The following CNTN5 variants were observed in gnomAD, a reference collection of about 807,000 sequenced individuals.
CNTN5 encodes the protein contactin-5.
CNTN5 carries 77 observed loss-of-function variants against 129.1 expected under a neutral mutation model. The ratio of observed to expected loss-of-function variants is 0.60; its 90% CI spans 0.50 to 0.72. The LOEUF (loss-of-function observed/expected upper bound fraction) is 0.72. CNTN5 is among the 30% of genes least tolerant of loss of function. CNTN5 has a pLI of 0.00. For synonymous variants in CNTN5, 509 were observed against 465.6 expected, an observed-to-expected ratio of 1.09 and a Z score of -1.20; for missense variants, 1,478 against 1,328.8, an observed-to-expected ratio of 1.11 and a Z score of -1.75.
chr11:99,404,545 A>G (rs1392558262), intron 2 of CNTN5, among the ~76,000 whole-genome samples: 4 of 151,930 alleles, frequency 2.6e-5, no homozygotes, highest in Non-Finnish European at 5.9e-5. Context: ...TCAGGTTACC[A>G]TGAGGCTTTC....
intron 15 of CNTN5, among the ~76,000 whole-genome samples, chr11:100,217,518 T>G (rs953487048): frequency 1.3e-5 from 2 of 152,206 alleles, no homozygotes; most frequent in Non-Finnish European, 2.9e-5. Context: ...GGTGGTCATG[T>G]ATTACTAGCT....
chr11:100,042,754 G>T (rs1942453026), intron 9 of CNTN5, among the ~76,000 whole-genome samples: 1 of 152,152 alleles, frequency 6.6e-6, no homozygotes, highest in Non-Finnish European at 1.5e-5. Flanking sequence ...AAAAGCTTGT[G>T]TCAGAATTTC....
At chr11:100,336,141 CA>C (rs1184472096) in intron 21 of CNTN5, among the ~76,000 whole-genome samples, 1 of 152,060 alleles carries the variant, frequency 6.6e-6, no homozygotes, top group Non-Finnish European at 1.5e-5. Flanking sequence ...CTTAAAATAC[CA>C]AAAGTAAAAT....
intron 2 of CNTN5, among the ~76,000 whole-genome samples, chr11:99,406,553 A>G (rs1298853283): frequency 1.3e-5 from 2 of 151,998 alleles, no homozygotes; most frequent in Admixed American, 6.6e-5. Context: ...ACTACTCCCT[A>G]ACTACTGCCT....
intron 3 of CNTN5, among the ~76,000 whole-genome samples, chr11:99,791,174 T>C (rs978398217): frequency 6.6e-6 from 1 of 152,086 alleles, no homozygotes; most frequent in African/African-American, 2.4e-5. Context: ...ATTTTTGCTT[T>C]TGTTGCAATT....
chr11:100,065,248 G>A (rs1020638785), intron 10 of CNTN5, among the ~76,000 whole-genome samples: 10 of 151,864 alleles, frequency 6.6e-5, no homozygotes, highest in African/African-American at 7.3e-5. Flanking sequence ...CGCTTCTATC[G>A]TCTGCAATTT....
At chr11:99,513,419 T>C (rs531466555) in intron 2 of CNTN5, among the ~76,000 whole-genome samples, 2 of 152,222 alleles carry the variant, frequency 1.3e-5, no homozygotes, top group African/African-American at 2.4e-5. Context: ...CAACAGATTT[T>C]TGATGTAGAC....
intron 13 of CNTN5, among the ~76,000 whole-genome samples, chr11:100,076,794 A>C (rs1001301566): frequency 6.6e-6 from 1 of 152,112 alleles, no homozygotes; most frequent in Non-Finnish European, 1.5e-5. Flanking sequence ...AAGCCCAGAC[A>C]TATATTGCAT....
chr11:100,058,291 A>G (rs1284711105), intron 9 of CNTN5, among the ~76,000 whole-genome samples: 1 of 152,154 alleles, frequency 6.6e-6, no homozygotes, highest in Non-Finnish European at 1.5e-5. Flanking sequence ...TCCTATCAGT[A>G]TATGAAGGCA....
At chr11:100,172,976 G>A (rs1404294012) in intron 13 of CNTN5, among the ~76,000 whole-genome samples, 1 of 152,074 alleles carries the variant, frequency 6.6e-6, no homozygotes, top group African/African-American at 2.4e-5. Flanking sequence ...CAGAATTGCA[G>A]TAACATAGAT....
At chr11:99,710,085 G>A (rs370907474) in intron 3 of CNTN5, among the ~76,000 whole-genome samples, 1 of 151,766 alleles carries the variant, frequency 6.6e-6, no homozygotes, top group Non-Finnish European at 1.5e-5. Context: ...AGCAAAGAAC[G>A]CACCTGCTAG....
chr11:99,486,300 T>G (rs1285431489), intron 2 of CNTN5, among the ~76,000 whole-genome samples: 1 of 152,104 alleles, frequency 6.6e-6, no homozygotes, highest in East Asian at 1.9e-4. Context: ...ATTTCCATTA[T>G]GCATTATACT....
At chr11:99,135,492 G>A (rs1381264245) in intron 1 of CNTN5, among the ~76,000 whole-genome samples, 3 of 152,104 alleles carry the variant, frequency 2.0e-5, no homozygotes, top group Non-Finnish European at 4.4e-5. Flanking sequence ...GAAAGCCAGG[G>A]CGACTGAAAT....
chr11:100,241,168 T>C (rs1949734095), intron 16 of CNTN5, among the ~76,000 whole-genome samples: 3 of 152,216 alleles, frequency 2.0e-5, no homozygotes, highest in African/African-American at 7.2e-5. Flanking sequence ...GGATAGCATC[T>C]AGGTTGCGTG....
intron 6 of CNTN5, among the ~76,000 whole-genome samples, chr11:99,869,884 A>G (rs1410488680): frequency 1.3e-5 from 2 of 152,142 alleles, no homozygotes; most frequent in African/African-American, 4.8e-5. Context: ...TCAAAATTAA[A>G]ATTTTCCAGA....
intron 7 of CNTN5, among the ~76,000 whole-genome samples, chr11:99,942,550 A>C (rs1487867257): frequency 2.0e-5 from 3 of 152,128 alleles, no homozygotes; most frequent in Non-Finnish European, 2.9e-5. Flanking sequence ...TCTGGGATAC[A>C]TGTGCAGAAT....
At chr11:99,086,360 A>G (rs1866005707) in intron 1 of CNTN5, among the ~76,000 whole-genome samples, 1 of 152,178 alleles carries the variant, frequency 6.6e-6, no homozygotes, top group African/African-American at 2.4e-5. Context: ...TAATTTATAA[A>G]GAGGTTTAAT....
At position 99,658,584 on chromosome 11, in the gene CNTN5, C is replaced by T. The variant is rs147932521; in HGVS notation, c.55+102315C>T. Among the ~76,000 whole-genome samples the T allele has an allele frequency of 9.0e-4, 137 of 151,812 alleles. 1 individual carries two copies. The highest frequency in any genetic ancestry group is 2.7e-3 in the South Asian group (13 of 4,814). On this transcript the variant is annotated intron_variant, in intron 3 of 24. Transcript: ENST00000524871. The stretch of plus-strand genomic sequence containing the variant: ...TTACTGCTTCCGAAAATAAATGTAA[C>T]CAGTGGGCCTAGCGCAGAGGCTCAT...
chr11:99,390,937 GT>G (rs971824940), intron 2 of CNTN5, among the ~76,000 whole-genome samples: 2 of 151,836 alleles, frequency 1.3e-5, no homozygotes, highest in African/African-American at 4.8e-5. Flanking sequence ...ATTTTTTAAT[GT>G]TTTTATTATA....
Sources: gnomAD v4.1 joint callset for allele counts (sites outside exome capture counted in the v4.1 genomes callset) on GRCh38, gnomAD v4.1.1 for gene constraint, MANE v1.5 for transcripts, NCBI Gene and HGNC (gene_info 2026-07-23, HGNC 2026-07-21) for gene names.